DEK: variants seen among roughly 807,000 people sequenced by gnomAD.
The protein encoded by DEK is protein DEK.
In DEK, 28 loss-of-function variants were observed where a neutral mutation model predicts 46.8. That is an observed-to-expected ratio of 0.60 (90% CI 0.44 to 0.82). The LOEUF (loss-of-function observed/expected upper bound fraction) is 0.82. DEK is among the 40% of genes least tolerant of loss of function. The pLI, the probability that DEK is intolerant of heterozygous loss-of-function variation, is 0.00. For synonymous variants in DEK, 160 were observed against 144.5 expected (o/e 1.11, Z -0.77); for missense variants, 416 against 430.6 (o/e 0.97, Z 0.30).
At chr6:18,230,685 A>G (rs186419365) in intron 9 of DEK, among the ~76,000 whole-genome samples, 2,821 of 152,318 alleles carry the variant, frequency 0.019, 26 homozygotes, top group South Asian at 0.022. Context: ...TAACTATCCT[A>G]AATATATATG....
chr6:18,245,899 G>A (rs773588731), intron 7 of DEK, among the ~76,000 whole-genome samples: 3 of 152,256 alleles, frequency 2.0e-5, no homozygotes, highest in Non-Finnish European at 4.4e-5. Flanking sequence ...CTGTTCTCAT[G>A]ACAGTGAAAC....
At chr6:18,233,078 C>T (rs1181860488) in intron 9 of DEK, among the ~76,000 whole-genome samples, 1 of 152,082 alleles carries the variant, frequency 6.6e-6, no homozygotes, top group Non-Finnish European at 1.5e-5. Context: ...TTTGACAAAC[C>T]TGACAAAAAC....
chr6:18,225,873 T>A, intron 10 of DEK, 143 bp from the exon 11 acceptor site: 1 of 1,004,794 alleles, frequency 1.0e-6, no homozygotes. Flanking sequence ...TCCCCTCACC[T>A]TTGCCTCGTA....
chr6:18,225,974 G>A (rs1216586658), intron 10 of DEK, 200 bp downstream of exon 10: 3 of 706,184 alleles, frequency 4.2e-6, no homozygotes, highest in Non-Finnish European at 6.6e-6. Flanking sequence ...TCTGAGTTCA[G>A]GTCTTATCAC....
intron 7 of DEK, among the ~76,000 whole-genome samples, chr6:18,238,357 C>CGT (rs1387311079): frequency 6.6e-6 from 1 of 152,110 alleles, no homozygotes; most frequent in African/African-American, 2.4e-5. Context: ...TTCTTAAACA[C>CGT]TAACCCATAG....
chr6:18,228,558 G>A (rs569073968), intron 9 of DEK, among the ~76,000 whole-genome samples: 112 of 152,268 alleles, frequency 7.4e-4, no homozygotes, highest in African/African-American at 2.4e-3. Context: ...CCGAGCGTGA[G>A]CTGAAGCAGG....
At position 18,226,250 on chromosome 6, in the gene DEK, T is replaced by C. The variant is rs200242683; in HGVS notation, c.1048-8A>G. 5.2e-6 allele frequency: 7 copies of C among 1,343,454 alleles called. No homozygotes were observed. The highest frequency in any genetic ancestry group is 1.9e-4 in the Middle Eastern group (1 of 5,364). 83.2% of individuals were successfully genotyped at this position (1,343,454 alleles called of 1,614,324 possible). A position where few individuals can be genotyped will look rare whatever the true frequency, so the allele number is the denominator to read the frequency against. On this transcript the variant is annotated splice_polypyrimidine_tract_variant and splice_region_variant and intron_variant, in intron 9 of 10. Transcript: ENST00000652689. ...AGGATAATTTTCATAGACCTATGTA[T>C]AGTGAAAAGGAAAAATAATGTTAAA...
chr6:18,261,558 C>T (rs55795831), intron 2 of DEK, among the ~76,000 whole-genome samples: 2 of 152,164 alleles, frequency 1.3e-5, no homozygotes, highest in South Asian at 2.1e-4. Context: ...GCAACGAGAG[C>T]GAAACTCCGT....
intron 9 of DEK, among the ~76,000 whole-genome samples, chr6:18,227,871 C>A (rs770021850): frequency 3.3e-5 from 5 of 152,234 alleles, no homozygotes; most frequent in Non-Finnish European, 5.9e-5. Context: ...CAGCACCCTA[C>A]CTATGATTCC....
At chr6:18,239,800 A>C (rs1161981345) in intron 7 of DEK, among the ~76,000 whole-genome samples, 1 of 152,200 alleles carries the variant, frequency 6.6e-6, no homozygotes, top group East Asian at 1.9e-4. Flanking sequence ...TTTAAGGTTC[A>C]TTAAGTGTCC....
intron 2 of DEK, 61 bp downstream of exon 2, chr6:18,263,782 T>C (rs1582307304): frequency 1.9e-6 from 3 of 1,609,446 alleles, no homozygotes; most frequent in South Asian, 1.1e-5. Flanking sequence ...GTTTCCTGGG[T>C]GAAAAATACA....
At chr6:18,259,489 T>C (rs1363732619) in intron 2 of DEK, among the ~76,000 whole-genome samples, 1 of 145,526 alleles carries the variant, frequency 6.9e-6, no homozygotes. Context: ...TCCATTTATC[T>C]AAAATAAAAT....
intron 7 of DEK, among the ~76,000 whole-genome samples, chr6:18,239,503 T>C (rs1005323284): frequency 4.6e-5 from 7 of 152,068 alleles, no homozygotes; most frequent in African/African-American, 1.7e-4. Flanking sequence ...TTTGCTAATA[T>C]ACCATCACTG....
chr6:18,244,715 T>G, intron 7 of DEK: 1 of 408,028 alleles, frequency 2.5e-6, no homozygotes, highest in Non-Finnish European at 4.3e-6. Context: ...AGTCTAGTTA[T>G]ATTTCACAGA....
At chr6:18,227,566 C>T (rs111902826) in intron 9 of DEK, among the ~76,000 whole-genome samples, 8 of 152,192 alleles carry the variant, frequency 5.3e-5, no homozygotes, top group African/African-American at 1.4e-4. Flanking sequence ...CCGGATCCTC[C>T]GTATACTGAA....
rs1554162685 is a variant in DEK, at chr6:18,259,430, A to AAAAAAAAAAT, written c.146-1026_146-1025insATTTTTTTTT. Among the ~76,000 whole-genome samples, 60 of 96,844 alleles carry AAAAAAAAAAT rather than the reference A, an allele frequency of 6.2e-4. 6 individuals are homozygous for AAAAAAAAAAT. Among genetic ancestry groups the AAAAAAAAAAT allele is most frequent in the East Asian group, 1.8e-3 (4 of 2,272 alleles). 63.5% of individuals were successfully genotyped at this position (96,844 alleles called of 152,430 possible). ...AAAAAAAAAAAAAAAAAAAAAAAAA[A>AAAAAAAAAAT]AAATCTAGAAAACAGGTAGCATATA... is the stretch of plus-strand genomic sequence containing the variant. On this transcript the variant is annotated intron_variant, in intron 2 of 10. Coordinates refer to ENST00000652689, the MANE Select transcript of DEK (RefSeq NM_003472.4).
chr6:18,251,424 A>G (rs1791370394), intron 6 of DEK, among the ~76,000 whole-genome samples: 1 of 152,198 alleles, frequency 6.6e-6, no homozygotes, highest in Non-Finnish European at 1.5e-5. Flanking sequence ...GCTGCTTTGT[A>G]TAATATGGTA....
At chr6:18,244,184 A>G (rs1220715934) in intron 7 of DEK, among the ~76,000 whole-genome samples, 1 of 152,144 alleles carries the variant, frequency 6.6e-6, no homozygotes, top group African/African-American at 2.4e-5. Flanking sequence ...TTAAAAAAAG[A>G]ATAAAGAAAA....
chr6:18,254,105 C>A (rs945411821), intron 6 of DEK, among the ~76,000 whole-genome samples: 1 of 152,116 alleles, frequency 6.6e-6, no homozygotes, highest in Non-Finnish European at 1.5e-5. Flanking sequence ...CCGAGGCGGT[C>A]AGATCACCTG....
Sources: allele counts gnomAD v4.1 joint callset (sites outside exome capture counted in the v4.1 genomes callset), GRCh38; gene constraint gnomAD v4.1.1; transcripts MANE v1.5; gene names NCBI Gene and HGNC (gene_info 2026-07-23, HGNC 2026-07-21).